ARHGAP39: variants seen among roughly 807,000 people sequenced by gnomAD.
ARHGAP39 encodes Rho GTPase activating protein 39.
Under a neutral mutation model 106.9 loss-of-function variants are expected in ARHGAP39, and 44 were observed. The observed-to-expected ratio is 0.41, with a 90% CI of 0.32 to 0.53. ARHGAP39 has a LOEUF of 0.53. ARHGAP39 is among the 20% of genes least tolerant of loss of function. The pLI is 0.21. For missense variants in ARHGAP39, 1,496 were observed against 1,577.3 expected (o/e 0.95, Z 0.87); for synonymous variants, 768 against 693.2 (o/e 1.11, Z -1.69).
rs965658425 is a variant in ARHGAP39, at chr8:144,684,132, T to C, written c.-82+1554A>G. 2.0e-5 allele frequency among the ~76,000 whole-genome samples: 3 copies of C among 152,212 alleles called. No homozygotes were observed. Among genetic ancestry groups the C allele is most frequent in the South Asian group, 2.1e-4 (1 of 4,832 alleles). ...CCAGAACCCGCCCTCCTGTCCACTC[T>C]GCTCCCCTGCCTCTCAGGAAGACAG... On this transcript the variant is annotated intron_variant, in intron 1 of 11. Coordinates refer to ENST00000377307, the MANE Select transcript of ARHGAP39 (RefSeq NM_025251.3). The surrounding 1 kb of genome is among the most constrained non-coding windows in gnomAD (Gnocchi z 4.4).
At chr8:144,687,691 C>CT (rs1476098361), upstream of ARHGAP39, among the ~76,000 whole-genome samples, 5 of 111,306 alleles carry the variant, frequency 4.5e-5, no homozygotes, top group Admixed American at 9.2e-5. Context: ...CTTCCCACCC[C>CT]GTGACCACAC....
chr8:144,533,037 C>A, intron 9 of ARHGAP39, 89 bp downstream of exon 9: 1 of 1,487,818 alleles, frequency 6.7e-7, no homozygotes, highest in Non-Finnish European at 9.1e-7. Context: ...CCCAGTGGGC[C>A]TGAGGCTTAA....
chr8:144,545,235 G>T lies in ARHGAP39; in HGVS notation c.2521+14C>A. The T allele has an allele frequency of 6.6e-7, 1 of 1,505,394 alleles. No individual in the cohort carries two copies. Among genetic ancestry groups the T allele is most frequent in the Non-Finnish European group, 8.9e-7 (1 of 1,119,416 alleles). 93.3% of individuals were successfully genotyped at this position (1,505,394 alleles called of 1,614,324 possible). The stretch of plus-strand genomic sequence containing the variant: ...CTTACCTGAGCTGGTGGCAAAGCCC[G>T]TGCATGGCCTTACCTTTAGTGTCAT... On this transcript the variant is annotated intron_variant, in intron 6 of 11. Coordinates refer to ENST00000377307, the MANE Select transcript of ARHGAP39 (RefSeq NM_025251.3).
intron 2 of ARHGAP39, among the ~76,000 whole-genome samples, chr8:144,599,229 C>G (rs899948705): frequency 3.3e-5 from 5 of 152,244 alleles, no homozygotes; most frequent in African/African-American, 1.2e-4. Flanking sequence ...CAGACTGCAG[C>G]AGTCCTTGTA....
chr8:144,580,355 G>A (rs1216488494), intron 3 of ARHGAP39, among the ~76,000 whole-genome samples: 1 of 152,166 alleles, frequency 6.6e-6, no homozygotes, highest in African/African-American at 2.4e-5. Context: ...AGAGAGCTGG[G>A]CGAGCCCCTC....
chr8:144,539,666 C>G (rs1817112819), intron 6 of ARHGAP39, among the ~76,000 whole-genome samples: 1 of 152,212 alleles, frequency 6.6e-6, no homozygotes, highest in African/African-American at 2.4e-5. Flanking sequence ...AAGGAAAAGA[C>G]TGTCTTTTCT....
At chr8:144,576,893 A>T (rs1286290220) in intron 3 of ARHGAP39, among the ~76,000 whole-genome samples, 3 of 152,204 alleles carry the variant, frequency 2.0e-5, no homozygotes, top group African/African-American at 4.8e-5. Flanking sequence ...TCTGGCTGGG[A>T]GAAGTTGTTC....
At chr8:144,627,278 G>A (rs908701225) in intron 1 of ARHGAP39, among the ~76,000 whole-genome samples, 17 of 152,198 alleles carry the variant, frequency 1.1e-4, no homozygotes, top group Admixed American at 2.0e-4. Context: ...TCCACTGGCC[G>A]GGCGCGGTGG....
intron 7 of ARHGAP39, among the ~76,000 whole-genome samples, chr8:144,534,654 C>T (rs1020913194): frequency 2.0e-5 from 3 of 152,234 alleles, no homozygotes; most frequent in Non-Finnish European, 4.4e-5. Flanking sequence ...GCAGCCAGTG[C>T]TGGGGGAGGC....
chr8:144,631,813 TTC>T (rs1821068986), intron 1 of ARHGAP39, among the ~76,000 whole-genome samples: 1 of 152,238 alleles, frequency 6.6e-6, no homozygotes, highest in African/African-American at 2.4e-5. Flanking sequence ...ATCTCCTGTT[TTC>T]TTGTAACCTT....
At chr8:144,530,659 G>GGA in intron 11 of ARHGAP39, 43 bp from the exon 12 acceptor site, 1 of 1,515,268 alleles carries the variant, frequency 6.6e-7, no homozygotes, top group Non-Finnish European at 8.9e-7. Flanking sequence ...CGGGGGCGGG[G>GGA]CGGGGAGGGG....
At position 144,547,519 on chromosome 8, in the gene ARHGAP39, C is replaced by T. The variant is rs763117958; in HGVS notation, c.1567G>A (p.Ala523Thr). 23 of 1,487,192 alleles carry T rather than the reference C, an allele frequency of 1.5e-5. No homozygotes were observed. The highest frequency in any genetic ancestry group is 2.4e-5 in the East Asian group (1 of 41,922). The allele number at this position is 1,487,192 out of a possible 1,614,324, so 92.1% of individuals were successfully genotyped here. The change falls in exon 5 of 12, where the codon GCC becomes ACC. Residue 523 changes from alanine to threonine, a missense_variant. Physicochemically the swap from Ala to Thr is moderately conservative, Grantham distance 58 (BLOSUM62 0). Coordinates refer to ENST00000377307, the MANE Select transcript of ARHGAP39 (RefSeq NM_025251.3). The surrounding 1 kb of genome is among the most constrained non-coding windows in gnomAD (Gnocchi z 5.2). ...GTCCCGCACGGGGGCTGTTCCTCGG[C>T]CAGGGGCTGCTCCACAAGCAGGTCC... Reference protein sequence around the residue: ...PGDLLVEQPLAEEQPPCGTSL... With the variant: ...PGDLLVEQPLTEEQPPCGTSL...
chr8:144,563,190 AAT>A (rs1564850066), intron 3 of ARHGAP39, among the ~76,000 whole-genome samples: 1 of 152,236 alleles, frequency 6.6e-6, no homozygotes, highest in Non-Finnish European at 1.5e-5. Flanking sequence ...ATAATGTGAA[AAT>A]ATAAGCCTAT....
chr8:144,676,965 T>C (rs1047104206), intron 1 of ARHGAP39, among the ~76,000 whole-genome samples: 1 of 152,244 alleles, frequency 6.6e-6, no homozygotes, highest in Non-Finnish European at 1.5e-5. Flanking sequence ...AGACAGGGTT[T>C]CACCATGTTG....
At position 144,601,389 on chromosome 8, in the gene ARHGAP39, C is replaced by A. The variant is rs1163173625; in HGVS notation, c.80+4146G>T. Among the ~76,000 whole-genome samples, 10 of 107,754 alleles carry A rather than the reference C, an allele frequency of 9.3e-5. No homozygotes were observed. The Admixed American group carries it at 1.1e-3, about 11-fold the overall frequency. The allele number at this position is 107,754 out of a possible 152,430, so 70.7% of individuals were successfully genotyped here. A position where few individuals can be genotyped will look rare whatever the true frequency, so the allele number is the denominator to read the frequency against. On this transcript the variant is annotated intron_variant, in intron 2 of 11. Transcript: ENST00000377307. ...TCATGTACCTGTGTGTGCGTTGAGGCGTGTGTGCTCGTCTACCTGCGTGCA... is the reference window on the plus strand; with the variant it reads ...TCATGTACCTGTGTGTGCGTTGAGGAGTGTGTGCTCGTCTACCTGCGTGCA...
intron 3 of ARHGAP39, among the ~76,000 whole-genome samples, chr8:144,563,470 T>G (rs1054874291): frequency 6.6e-6 from 1 of 152,096 alleles, no homozygotes; most frequent in African/African-American, 2.4e-5. Flanking sequence ...AAAACCTCCC[T>G]CAACCACTAT....
At chr8:144,577,199 A>G (rs142204883) in intron 3 of ARHGAP39, among the ~76,000 whole-genome samples, 311 of 152,332 alleles carry the variant, frequency 2.0e-3, no homozygotes, top group African/African-American at 6.8e-3. Flanking sequence ...CATGGATCAT[A>G]TGAAAGCCCA....
intron 1 of ARHGAP39, among the ~76,000 whole-genome samples, chr8:144,672,811 G>C (rs931438589): frequency 2.6e-5 from 4 of 152,134 alleles, no homozygotes; most frequent in African/African-American, 4.8e-5. Flanking sequence ...ATAAGAGCTC[G>C]AGTGCTTAAC....
intron 3 of ARHGAP39, among the ~76,000 whole-genome samples, chr8:144,570,170 G>A (rs1160631920): frequency 1.3e-5 from 2 of 152,198 alleles, no homozygotes; most frequent in African/African-American, 2.4e-5. Flanking sequence ...GCAGTGAGCC[G>A]AGATGGTGCC....
Sources: gnomAD v4.1 joint callset for allele counts (sites outside exome capture counted in the v4.1 genomes callset) on GRCh38, gnomAD v4.1.1 for gene constraint, Gnocchi (gnomAD v3.1) non-coding constraint, MANE v1.5 for transcripts, NCBI Gene and HGNC (gene_info 2026-07-23, HGNC 2026-07-21) for gene names.